The following CTNNA3 variants were observed in gnomAD, a reference collection of about 807,000 sequenced individuals.
The protein encoded by CTNNA3 is catenin alpha 3, also known as catenin alpha-3.
A neutral mutation model predicts 95.7 loss-of-function variants in CTNNA3; 76 were observed. That is an observed-to-expected ratio of 0.79 (90% CI 0.66 to 0.96). CTNNA3 has a LOEUF of 0.96. CTNNA3 is among the 40% of genes least tolerant of loss of function. The pLI is 0.00. For synonymous variants in CTNNA3, 431 were observed against 374.4 expected, an observed-to-expected ratio of 1.15 and a Z score of -1.74; for missense variants, 1,191 against 1,089.8, an observed-to-expected ratio of 1.09 and a Z score of -1.31.
At chr10:66,469,734 G>T (rs139916202) in intron 11 of CTNNA3, among the ~76,000 whole-genome samples, 318 of 151,812 alleles carry the variant, frequency 2.1e-3, no homozygotes, top group South Asian at 5.4e-3. Flanking sequence ...GATAATGGAA[G>T]CTTTAACTAT....
chr10:67,526,892 GGCTTGAC>G (rs1303518642), intron 4 of CTNNA3, among the ~76,000 whole-genome samples: 1 of 152,186 alleles, frequency 6.6e-6, no homozygotes, highest in East Asian at 1.9e-4. Context: ...CAAAGCACTG[GGCTTGAC>G]GCTGTGAGAA....
At chr10:66,095,455 G>C (rs1245512196) in intron 14 of CTNNA3, among the ~76,000 whole-genome samples, 2 of 152,028 alleles carry the variant, frequency 1.3e-5, no homozygotes, top group Admixed American at 6.6e-5. Flanking sequence ...AGCCAAATTA[G>C]ATCATGAAGA....
chr10:66,090,000 A>T (rs974687907), intron 14 of CTNNA3, among the ~76,000 whole-genome samples: 1 of 152,014 alleles, frequency 6.6e-6, no homozygotes, highest in East Asian at 1.9e-4. Context: ...TTCTAATTTC[A>T]TCATTTCAAA....
At chr10:66,962,259 C>G (rs1849150471) in intron 7 of CTNNA3, among the ~76,000 whole-genome samples, 1 of 152,088 alleles carries the variant, frequency 6.6e-6, no homozygotes, top group Non-Finnish European at 1.5e-5. Context: ...TCTCACTGAC[C>G]TTATCACCCA....
At chr10:67,322,391 C>T (rs754599339) in intron 5 of CTNNA3, among the ~76,000 whole-genome samples, 32 of 152,206 alleles carry the variant, frequency 2.1e-4, no homozygotes, top group Admixed American at 3.9e-4. Context: ...ACCCACCTTT[C>T]AATAGGCCCA....
intron 5 of CTNNA3, among the ~76,000 whole-genome samples, chr10:67,331,598 A>C (rs939840218): frequency 4.6e-5 from 7 of 152,192 alleles, no homozygotes; most frequent in Non-Finnish European, 1.0e-4. Context: ...TCACTCAGCT[A>C]TTCAAGTGAT....
intron 9 of CTNNA3, among the ~76,000 whole-genome samples, chr10:66,640,403 C>T (rs948783588): frequency 1.3e-5 from 2 of 152,150 alleles, no homozygotes; most frequent in Non-Finnish European, 2.9e-5. Flanking sequence ...AGGCATAGGT[C>T]CCTTGCCTCT....
chr10:67,456,277 A>T (rs1348633457), intron 5 of CTNNA3, among the ~76,000 whole-genome samples: 1 of 152,180 alleles, frequency 6.6e-6, no homozygotes, highest in Non-Finnish European at 1.5e-5. Flanking sequence ...ACAATTTTTC[A>T]TTTGTGACAA....
At chr10:66,101,657 A>T (rs1250702044) in intron 14 of CTNNA3, among the ~76,000 whole-genome samples, 1 of 152,192 alleles carries the variant, frequency 6.6e-6, no homozygotes, top group East Asian at 1.9e-4. Context: ...AGATATAGTT[A>T]AGCTCTAATG....
At chr10:66,317,031 A>G (rs987763029) in intron 12 of CTNNA3, among the ~76,000 whole-genome samples, 7 of 152,122 alleles carry the variant, frequency 4.6e-5, no homozygotes, top group African/African-American at 1.4e-4. Context: ...TCAAAAACAA[A>G]TTAGTTCAGT....
intron 7 of CTNNA3, among the ~76,000 whole-genome samples, chr10:67,024,244 C>G (rs1853209025): frequency 6.6e-6 from 1 of 152,178 alleles, no homozygotes; most frequent in South Asian, 2.1e-4. Flanking sequence ...AAATTTTTCT[C>G]CTCTCTAGCT....
Position 66,927,063 on chromosome 10 carries a change from T to C in CTNNA3, c.1048-151539A>G, listed in dbSNP as rs1161173288. The C allele has an allele frequency of 6.2e-7, 1 of 1,614,058 alleles. No individual in the cohort carries two copies. Among genetic ancestry groups the C allele is most frequent in the Non-Finnish European group, 8.5e-7 (1 of 1,180,046 alleles). ...AAGGCAAAATGGTATATTGTGAATC[T>C]CAGAAATTACAGGAGATACCCTCAA... is the stretch of plus-strand genomic sequence containing the variant. On this transcript the variant is annotated intron_variant, in intron 7 of 17. Coordinates refer to ENST00000433211, the MANE Select transcript of CTNNA3 (RefSeq NM_013266.4). This position sits in a 1 kb window ranked among gnomAD's most constrained non-coding sequence, Gnocchi z 4.7.
chr10:66,268,413 C>T (rs917869308), intron 13 of CTNNA3, among the ~76,000 whole-genome samples: 2 of 152,104 alleles, frequency 1.3e-5, no homozygotes, highest in African/African-American at 4.8e-5. Flanking sequence ...CACAAAAAGC[C>T]CGACTATCCA....
intron 5 of CTNNA3, among the ~76,000 whole-genome samples, chr10:67,237,643 G>T (rs890373850): frequency 1.3e-5 from 2 of 152,140 alleles, no homozygotes; most frequent in African/African-American, 4.8e-5. Flanking sequence ...ATGTGGAAAG[G>T]TCTGAAGCAT....
intron 12 of CTNNA3, among the ~76,000 whole-genome samples, chr10:66,367,265 C>A (rs74907522): frequency 3.3e-5 from 5 of 152,206 alleles, no homozygotes; most frequent in African/African-American, 1.2e-4. Context: ...TGATTTCAAA[C>A]TTAAACAATG....
intron 7 of CTNNA3, among the ~76,000 whole-genome samples, chr10:66,931,877 A>C (rs1847417864): frequency 6.6e-6 from 1 of 152,242 alleles, no homozygotes; most frequent in African/African-American, 2.4e-5. Context: ...ATGCTGGCTA[A>C]GCATTTTGAT....
intron 13 of CTNNA3, among the ~76,000 whole-genome samples, chr10:66,268,420 T>C (rs1003531695): frequency 6.6e-6 from 1 of 152,140 alleles, no homozygotes; most frequent in African/African-American, 2.4e-5. Flanking sequence ...AGCCCGACTA[T>C]CCAGTGGCTA....
rs143740110 is a variant in CTNNA3, at chr10:67,205,102, A to G, written c.843+14505T>C. On this transcript the variant is annotated intron_variant, in intron 6 of 17. Coordinates refer to ENST00000433211, the MANE Select transcript of CTNNA3 (RefSeq NM_013266.4). ...CCTGGTGGTCTTTTATTAGCTTTAC[A>G]AAGGCAGTTTAGTTTGGGGGAAGGG... Among the ~76,000 whole-genome samples the G allele has an allele frequency of 4.6e-4, 70 of 152,310 alleles. No individual in the cohort carries two copies. In the East Asian group the frequency reaches 0.012, roughly 26 times the overall value.
At chr10:66,135,851 C>T (rs1413535085) in intron 13 of CTNNA3, among the ~76,000 whole-genome samples, 2 of 151,502 alleles carry the variant, frequency 1.3e-5, no homozygotes. Context: ...ATAAAAAGGG[C>T]AAAATGCTTA....
Sources: allele counts gnomAD v4.1 joint callset (sites outside exome capture counted in the v4.1 genomes callset), GRCh38; gene constraint gnomAD v4.1.1; non-coding constraint Gnocchi (gnomAD v3.1); transcripts MANE v1.5; gene names NCBI Gene and HGNC (gene_info 2026-07-23, HGNC 2026-07-21).